Variants in CANX observed in about 807,000 individuals in gnomAD.
The protein encoded by CANX is epididymis secretory sperm binding protein.
In CANX, 14 loss-of-function variants were observed where a neutral mutation model predicts 75.7. The observed-to-expected ratio is 0.19, with a 90% CI of 0.12 to 0.29. The LOEUF (loss-of-function observed/expected upper bound fraction) is 0.29, where lower values mean the gene tolerates loss of function less well. Ranked by LOEUF, CANX falls within the 10% of genes least tolerant of loss-of-function variation. The pLI, the probability that CANX is intolerant of heterozygous loss-of-function variation, is 1.00. For missense variants in CANX, 567 were observed against 713.2 expected (o/e 0.79, Z 2.34); for synonymous variants, 227 against 236.9 (o/e 0.96, Z 0.38).
intron 1 of CANX, among the ~76,000 whole-genome samples, chr5:179,680,185 C>T (rs1581809453): frequency 6.6e-6 from 1 of 151,914 alleles, no homozygotes; most frequent in South Asian, 2.1e-4. Context: ...GAAGAGGAAG[C>T]TGGGAAGGTG....
chr5:179,683,520 C>G (rs1321886541), intron 1 of CANX, among the ~76,000 whole-genome samples: 1 of 151,858 alleles, frequency 6.6e-6, no homozygotes, highest in African/African-American at 2.4e-5. Flanking sequence ...ATGTATCCAT[C>G]TGGAGGTATC....
At chr5:179,684,799 C>T (rs1776154910) in intron 1 of CANX, among the ~76,000 whole-genome samples, 1 of 151,832 alleles carries the variant, frequency 6.6e-6, no homozygotes. Flanking sequence ...TTTTGTTGCC[C>T]AGGCTGGAGT....
intron 10 of CANX, among the ~76,000 whole-genome samples, chr5:179,722,421 A>G (rs976797928): frequency 6.6e-6 from 1 of 152,234 alleles, no homozygotes; most frequent in South Asian, 2.1e-4. Flanking sequence ...GTAGTTATCT[A>G]GAAGTGAATT....
chr5:179,682,937 C>T (rs1052313928), intron 1 of CANX, among the ~76,000 whole-genome samples: 5 of 152,076 alleles, frequency 3.3e-5, no homozygotes, highest in Admixed American at 2.0e-4. Flanking sequence ...TTGAAGGACA[C>T]GTGCCACGTG....
chr5:179,698,615 T>TG, upstream of CANX: 1 of 1,285,290 alleles, frequency 7.8e-7, no homozygotes, highest in Non-Finnish European at 1.0e-6. Flanking sequence ...TGAGGGCTAC[T>TG]GGGGGTTGGG....
chr5:179,709,770 T>C (rs1777401971), intron 6 of CANX, 103 bp from the exon 7 acceptor site: 3 of 721,922 alleles, frequency 4.2e-6, no homozygotes, highest in Non-Finnish European at 6.8e-6. Context: ...CTGTCACTAA[T>C]ATATTTGGAA....
intron 8 of CANX, among the ~76,000 whole-genome samples, chr5:179,717,241 C>G (rs1423343657): frequency 6.6e-6 from 1 of 152,152 alleles, no homozygotes; most frequent in East Asian, 1.9e-4. Flanking sequence ...TTGTACTGCA[C>G]TAGTATAAAT....
At chr5:179,715,764 A>G in intron 7 of CANX, 1 of 289,070 alleles carries the variant, frequency 3.5e-6, no homozygotes, top group South Asian at 3.2e-5. Context: ...TTGTCTTCTC[A>G]CTGGTGTATA....
chr5:179,701,916 A>G (rs1016658759), intron 1 of CANX, among the ~76,000 whole-genome samples: 3 of 151,034 alleles, frequency 2.0e-5, no homozygotes, highest in Non-Finnish European at 3.0e-5. Context: ...GGTTTTTTGT[A>G]TTTTAGTAGA....
At chr5:179,693,219 GA>G (rs1308732160) in intron 1 of CANX, among the ~76,000 whole-genome samples, 6 of 151,262 alleles carry the variant, frequency 4.0e-5, no homozygotes, top group South Asian at 2.1e-4. Flanking sequence ...ATTCACAAAG[GA>G]AAAAAAATAT....
chr5:179,725,857 G>A (rs145895217), intron 13 of CANX, among the ~76,000 whole-genome samples: 1,824 of 150,140 alleles, frequency 0.012, 19 homozygotes, highest in Non-Finnish European at 0.017. Flanking sequence ...GCATGGTGGC[G>A]GGCGCCTGTA....
chr5:179,709,849 A>G (rs370218228), intron 6 of CANX, 24 bp from the exon 7 acceptor site: 3 of 1,514,182 alleles, frequency 2.0e-6, no homozygotes, highest in African/African-American at 2.8e-5. Flanking sequence ...AGTGACTTCA[A>G]ATAATCCTTT....
chr5:179,728,078 C>T (rs1778777228), intron 14 of CANX, among the ~76,000 whole-genome samples: 2 of 152,098 alleles, frequency 1.3e-5, no homozygotes, highest in Non-Finnish European at 2.9e-5. Flanking sequence ...AAGTAGAGAC[C>T]ATGTTTCCCC....
chr5:179,683,207 C>T (rs1194060493), intron 1 of CANX, among the ~76,000 whole-genome samples: 2 of 152,178 alleles, frequency 1.3e-5, no homozygotes, highest in African/African-American at 2.4e-5. Flanking sequence ...CAGCTCACTG[C>T]GACCTCCACT....
chr5:179,715,975 G>A (rs1248778409), intron 7 of CANX, 130 bp from the exon 8 acceptor site: 4 of 734,140 alleles, frequency 5.4e-6, no homozygotes, highest in African/African-American at 3.5e-5. Context: ...CAGGAGCCAG[G>A]CATTGTTCTT....
chr5:179,698,668 CCT>C, upstream of CANX: 1 of 1,122,596 alleles, frequency 8.9e-7, no homozygotes, highest in South Asian at 1.3e-5. Flanking sequence ...CGCGGGAACG[CCT>C]GTTAAACCAG....
chr5:179,684,924 G>GTCTTTTTTTTTTTTTTTTTTT (rs781629512), intron 1 of CANX, among the ~76,000 whole-genome samples: 1 of 28,984 alleles, frequency 3.5e-5, no homozygotes, highest in African/African-American at 1.1e-4. Context: ...GGCTAATTTT[G>GTCTTTTTTTTTTTTTTTTTTT]TATTTTTTTT....
rs79571537 is a variant in CANX at position 179,705,918 on chromosome 5, G to A, written c.171+66G>A. ...GATGATAAAATTATGAAGATACCCGGGTGCAGGGAAATGTAGTCTCAACTA... is the reference window on the plus strand; with the variant it reads ...GATGATAAAATTATGAAGATACCCGAGTGCAGGGAAATGTAGTCTCAACTA... On this transcript the variant is annotated intron_variant, in intron 2 of 14. Transcript: ENST00000247461. 157 of 1,397,350 alleles carry A rather than the reference G, an allele frequency of 1.1e-4. No homozygotes were observed. In the African/African-American group the frequency reaches 2.0e-3, roughly 18 times the overall value. 86.6% of individuals were successfully genotyped at this position (1,397,350 alleles called of 1,614,324 possible).
intron 7 of CANX, 116 bp downstream of exon 7, chr5:179,710,181 G>T (rs947883363): frequency 9.6e-6 from 6 of 624,164 alleles, no homozygotes; most frequent in Non-Finnish European, 1.6e-5. Flanking sequence ...CCAGCACTTT[G>T]GGAGGCCGAG....
Sources: gnomAD v4.1 joint callset for allele counts (sites outside exome capture counted in the v4.1 genomes callset) on GRCh38, gnomAD v4.1.1 for gene constraint, MANE v1.5 for transcripts, NCBI Gene and HGNC (gene_info 2026-07-23, HGNC 2026-07-21) for gene names.